Variants in DLGAP4 observed in about 807,000 individuals in gnomAD.
DLGAP4 encodes DLG associated protein 4.
DLGAP4 carries 18 observed loss-of-function variants against 86.9 expected under a neutral mutation model. The observed-to-expected ratio is 0.21, with a 90% CI of 0.14 to 0.31. The LOEUF is 0.31. Ranked by LOEUF, DLGAP4 falls within the 10% of genes least tolerant of loss-of-function variation. The pLI is 1.00. For missense variants in DLGAP4, 1,085 were observed against 1,362.6 expected (o/e 0.80, Z 3.21); for synonymous variants, 548 against 574.3 (o/e 0.95, Z 0.65).
chr20:36,511,359 T>C lies in DLGAP4; in HGVS notation c.2512+10748T>C, dbSNP rs866776458. On this transcript the variant is annotated intron_variant, in intron 10 of 12. Transcript: ENST00000339266. ...CTGAGGCTACAGGTGTGTACCACCA[T>C]GCTCAGCTAACTTTGAGATTTTTTT... 2.0e-5 allele frequency among the ~76,000 whole-genome samples: 3 copies of C among 152,096 alleles called. No individual in the cohort carries two copies. The South Asian group carries it at 6.2e-4, about 32-fold the overall frequency.
At chr20:36,469,642 A>G (rs1045985493) in intron 7 of DLGAP4, among the ~76,000 whole-genome samples, 2 of 151,636 alleles carry the variant, frequency 1.3e-5, no homozygotes, top group Non-Finnish European at 2.9e-5. Context: ...AATCCCAGCT[A>G]CTCAGGAGGC....
chr20:36,526,405 A>T (rs1170592711), intron 12 of DLGAP4, among the ~76,000 whole-genome samples: 1 of 152,030 alleles, frequency 6.6e-6, no homozygotes, highest in Non-Finnish European at 1.5e-5. Flanking sequence ...CCTTCTGCAA[A>T]CCAGAACCAG....
chr20:36,396,468 CA>C (rs2031983054), intron 2 of DLGAP4, among the ~76,000 whole-genome samples: 2 of 10,010 alleles, frequency 2.0e-4, no homozygotes, highest in South Asian at 3.1e-3. Flanking sequence ...CACACACACA[CA>C]TACACATCAC....
intron 2 of DLGAP4, among the ~76,000 whole-genome samples, chr20:36,414,289 T>G (rs2032591718): frequency 6.6e-6 from 1 of 151,952 alleles, no homozygotes; most frequent in South Asian, 2.1e-4. Flanking sequence ...GAAAGATGAG[T>G]GCCTGCGTCG....
intron 10 of DLGAP4, among the ~76,000 whole-genome samples, chr20:36,513,912 A>C (rs989816048): frequency 6.6e-6 from 1 of 152,162 alleles, no homozygotes; most frequent in Non-Finnish European, 1.5e-5. Flanking sequence ...GCTTTGTTAG[A>C]CATCAGAATA....
chr20:36,519,784 T>G (rs1024745570), intron 10 of DLGAP4, among the ~76,000 whole-genome samples: 5 of 145,540 alleles, frequency 3.4e-5, no homozygotes, highest in Non-Finnish European at 2.9e-5. Context: ...TTTTGGGGTT[T>G]GTTTGTTTGT....
intron 6 of DLGAP4, among the ~76,000 whole-genome samples, chr20:36,445,014 T>C (rs986260332): frequency 6.6e-6 from 1 of 152,108 alleles, no homozygotes; most frequent in Non-Finnish European, 1.5e-5. Flanking sequence ...TGGAGTGCAG[T>C]GTCACAATCA....
chr20:36,525,543 T>C, intron 11 of DLGAP4: 4 of 433,734 alleles, frequency 9.2e-6, no homozygotes, highest in Non-Finnish European at 1.3e-5. Flanking sequence ...TGTCACACCA[T>C]GGCCAAGAAC....
chr20:36,423,455 CAAAAAAA>C (rs11434258), intron 2 of DLGAP4, among the ~76,000 whole-genome samples: 10 of 16,336 alleles, frequency 6.1e-4, no homozygotes, highest in African/African-American at 1.2e-3. Flanking sequence ...GACTCCGTCT[CAAAAAAA>C]AAAAAAAAAA....
intron 2 of DLGAP4, among the ~76,000 whole-genome samples, chr20:36,385,967 G>A (rs148608466): frequency 1.8e-3 from 269 of 152,258 alleles, no homozygotes; most frequent in South Asian, 0.013. Flanking sequence ...ACCCTACCCT[G>A]GCTCCAAAGC....
At chr20:36,325,297 T>G (rs537305404) in intron 1 of DLGAP4, among the ~76,000 whole-genome samples, 2 of 152,232 alleles carry the variant, frequency 1.3e-5, no homozygotes, top group Non-Finnish European at 2.9e-5. Flanking sequence ...GTTTTTAGTT[T>G]AATTCCACTG....
chr20:36,423,542 C>G lies in DLGAP4; in HGVS notation c.-72-8104C>G, dbSNP rs552880978. On this transcript the variant is annotated intron_variant, in intron 2 of 12. Transcript: ENST00000339266. ...AGTTTCCACCATGCCGTGCAGCATTCCTCACCTGGAAGCTTTGGCCTGTCC... is the reference window on the plus strand; with the variant it reads ...AGTTTCCACCATGCCGTGCAGCATTGCTCACCTGGAAGCTTTGGCCTGTCC... 4.6e-5 allele frequency among the ~76,000 whole-genome samples: 7 copies of G among 150,948 alleles called. No individual in the cohort carries two copies. In the East Asian group the frequency reaches 1.4e-3, roughly 30 times the overall value.
intron 7 of DLGAP4, among the ~76,000 whole-genome samples, chr20:36,459,017 A>G (rs1600560517): frequency 6.6e-6 from 1 of 152,168 alleles, no homozygotes; most frequent in Non-Finnish European, 1.5e-5. Flanking sequence ...GGCACCTGAG[A>G]CAGGACAGTG....
At chr20:36,388,314 C>T (rs1340400655) in intron 2 of DLGAP4, among the ~76,000 whole-genome samples, 1 of 152,182 alleles carries the variant, frequency 6.6e-6, no homozygotes, top group African/African-American at 2.4e-5. Flanking sequence ...AGGCAGCCCA[C>T]TCCTTTGTGT....
At chr20:36,477,548 C>A (rs1230647271) in intron 7 of DLGAP4, among the ~76,000 whole-genome samples, 1 of 152,156 alleles carries the variant, frequency 6.6e-6, no homozygotes, top group Non-Finnish European at 1.5e-5. Flanking sequence ...TGGCCACTGC[C>A]CCCTATGGAG....
intron 7 of DLGAP4, among the ~76,000 whole-genome samples, chr20:36,473,493 G>A (rs1490621594): frequency 1.3e-5 from 2 of 152,190 alleles, no homozygotes; most frequent in African/African-American, 4.8e-5. Context: ...TGGTTGGCCT[G>A]TGTCTTTCAG....
In DLGAP4 at chr20:36,462,656, G is replaced by T. The variant is rs535473586; in HGVS notation, c.1648+15719G>T. The T allele has an allele frequency of 7.0e-5, 108 of 1,553,416 alleles. 2 individuals carry two copies. The highest frequency in any genetic ancestry group is 6.8e-4 in the Middle Eastern group (4 of 5,878). On this transcript the variant is annotated intron_variant, in intron 7 of 12. Coordinates refer to ENST00000339266, the MANE Select transcript of DLGAP4 (RefSeq NM_001365621.2). ...GTTGGCCCGCAGGCTGGCCGCGGCC[G>T]AGGCTCCATGGGGTTGGCGCTGGGG...
chr20:36,357,369 G>A (rs547622207), intron 1 of DLGAP4, among the ~76,000 whole-genome samples: 2 of 152,266 alleles, frequency 1.3e-5, no homozygotes, highest in Non-Finnish European at 2.9e-5. Flanking sequence ...CCAAAGCCTC[G>A]CCTCCTTTTT....
rs1396978559 is a variant in DLGAP4, at chr20:36,439,829, C to T, written c.1317C>T (p.Pro439=). 6 of 1,613,652 alleles carry T rather than the reference C, an allele frequency of 3.7e-6. No homozygotes were observed. Among genetic ancestry groups the T allele is most frequent in the African/African-American group, 2.7e-5 (2 of 74,934 alleles). Residue 439 remains proline, a synonymous_variant, in exon 5 of 13, where the codon CCC becomes CCT. Coordinates refer to ENST00000339266, the MANE Select transcript of DLGAP4 (RefSeq NM_001365621.2). ...KCPSWEEDYT[P]VSDSLNDSSC... is the part of the protein sequence containing the mutation. ...CGAGCTGGGAAGAGGACTACACCCC[C>T]GTCAGCGACAGCCTCAACGACTCCA...
Sources: allele counts gnomAD v4.1 joint callset (sites outside exome capture counted in the v4.1 genomes callset), GRCh38; gene constraint gnomAD v4.1.1; transcripts MANE v1.5; gene names NCBI Gene and HGNC (gene_info 2026-07-23, HGNC 2026-07-21).